The following ANO3 variants were observed in gnomAD, a reference collection of about 807,000 sequenced individuals.
ANO3 encodes anoctamin 3, also known as anoctamin-3.
A neutral mutation model predicts 144.8 loss-of-function variants in ANO3; 99 were observed. The observed-to-expected ratio is 0.68, with a 90% CI of 0.58 to 0.81. The LOEUF (loss-of-function observed/expected upper bound fraction) is 0.81, where lower values mean the gene tolerates loss of function less well. ANO3 is among the 30% of genes least tolerant of loss of function. The pLI is 0.00. For missense variants in ANO3, 905 were observed against 1,202.2 expected (o/e 0.75, Z 3.66); for synonymous variants, 414 against 392.6 (o/e 1.05, Z -0.64).
intron 18 of ANO3, among the ~76,000 whole-genome samples, chr11:26,628,117 G>T (rs77935672): frequency 1.1e-3 from 168 of 151,932 alleles, no homozygotes; most frequent in African/African-American, 4.0e-3. Flanking sequence ...TTTGAACTTT[G>T]GTTTCCTGGT....
At chr11:26,450,508 C>T (rs1465419150) in intron 3 of ANO3, among the ~76,000 whole-genome samples, 1 of 152,122 alleles carries the variant, frequency 6.6e-6, no homozygotes, top group Non-Finnish European at 1.5e-5. Flanking sequence ...CATGTATGGA[C>T]CATTCATGAA....
chr11:26,209,415 C>G (rs1327029835), intron 1 of ANO3, among the ~76,000 whole-genome samples: 1 of 152,120 alleles, frequency 6.6e-6, no homozygotes, highest in Non-Finnish European at 1.5e-5. Context: ...TGGGTTGGTT[C>G]CAAGTCTTTG....
At chr11:26,494,629 G>A (rs11029582) in intron 4 of ANO3, among the ~76,000 whole-genome samples, 25,172 of 152,098 alleles carry the variant, frequency 0.17, 2,256 homozygotes, top group South Asian at 0.29. Context: ...GTTTGCTATA[G>A]GAATTTCAAA....
Position 26,391,963 on chromosome 11 carries a change from C to A in ANO3, c.47-49955C>A, listed in dbSNP as rs775318078. 7.1e-4 allele frequency among the ~76,000 whole-genome samples: 87 copies of A among 123,038 alleles called. 1 individual carries two copies. The highest frequency in any genetic ancestry group is 2.0e-4 in the Non-Finnish European group (12 of 59,640). 80.7% of individuals were successfully genotyped at this position (123,038 alleles called of 152,430 possible). A position where few individuals can be genotyped will look rare whatever the true frequency, so the allele number is the denominator to read the frequency against. On this transcript the variant is annotated intron_variant, in intron 1 of 26. Coordinates refer to ENST00000256737, the MANE Select transcript of ANO3 (RefSeq NM_031418.4). ...TCTCAGTCATAAGTCAGACATCTTT[C>A]TGCTGTGTCCAAAAAATGTCGGAAA... is the stretch of plus-strand genomic sequence containing the variant.
At chr11:26,580,007 G>A (rs1451535269) in intron 14 of ANO3, among the ~76,000 whole-genome samples, 1 of 151,700 alleles carries the variant, frequency 6.6e-6, no homozygotes, top group Non-Finnish European at 1.5e-5. Flanking sequence ...AATTTTGGAA[G>A]CCCCTTTTAA....
At chr11:26,293,530 C>CATAAATAT (rs375743472) in intron 1 of ANO3, among the ~76,000 whole-genome samples, 1 of 62,434 alleles carries the variant, frequency 1.6e-5, no homozygotes, top group African/African-American at 6.3e-5. Flanking sequence ...CTATAAATTC[C>CATAAATAT]ATGTATATAT....
chr11:26,580,743 A>G (rs1238883470), intron 14 of ANO3, among the ~76,000 whole-genome samples: 1 of 152,244 alleles, frequency 6.6e-6, no homozygotes, highest in Non-Finnish European at 1.5e-5. Flanking sequence ...CAATTAAGCT[A>G]TGAGCATGGA....
intron 17 of ANO3, among the ~76,000 whole-genome samples, chr11:26,602,760 A>AC (rs397796296): frequency 6.7e-6 from 1 of 150,368 alleles, no homozygotes; most frequent in African/African-American, 2.4e-5. Flanking sequence ...CAAAAAAAAA[A>AC]GACATTACTG....
intron 23 of ANO3, among the ~76,000 whole-genome samples, chr11:26,645,717 G>A (rs149095640): frequency 3.3e-5 from 5 of 152,150 alleles, no homozygotes; most frequent in African/African-American, 9.6e-5. Flanking sequence ...GGGGCAGAGG[G>A]AGGGAGAGCA....
intron 14 of ANO3, among the ~76,000 whole-genome samples, chr11:26,577,719 C>T (rs905270600): frequency 1.3e-5 from 2 of 152,146 alleles, no homozygotes; most frequent in East Asian, 1.9e-4. Context: ...GAGTACAAAT[C>T]GATAGTAGAT....
chr11:26,580,994 C>T (rs143272749), intron 14 of ANO3, among the ~76,000 whole-genome samples: 245 of 152,232 alleles, frequency 1.6e-3, no homozygotes, highest in African/African-American at 5.6e-3. Context: ...CTTACGTAAA[C>T]GTTTTATCTG....
At chr11:26,612,042 T>TA (rs544691253) in intron 17 of ANO3, among the ~76,000 whole-genome samples, 7 of 152,262 alleles carry the variant, frequency 4.6e-5, no homozygotes, top group African/African-American at 1.7e-4. Context: ...GTTGGATATA[T>TA]TTTTTAATCC....
At chr11:26,294,617 A>T (rs1854044137) in intron 1 of ANO3, among the ~76,000 whole-genome samples, 1 of 152,110 alleles carries the variant, frequency 6.6e-6, no homozygotes, top group South Asian at 2.1e-4. Context: ...CATGCAACAA[A>T]ATTGACAGAA....
At position 26,241,673 on chromosome 11, in the gene ANO3, C is replaced by T. The variant is rs1006963549; in HGVS notation, c.154+52343C>T. Among the ~76,000 whole-genome samples the T allele has an allele frequency of 2.6e-5, 4 of 152,082 alleles. No homozygotes were observed. The East Asian group carries it at 7.7e-4, about 29-fold the overall frequency. On this transcript the variant is annotated intron_variant, in intron 1 of 27. Transcript: ENST00000672621. The stretch of plus-strand genomic sequence containing the variant: ...GATAGTATTGGCAGAACATTTATTA[C>T]ATTAATAAAATCTAATATAATAATT...
chr11:26,599,792 G>C, intron 17 of ANO3, 78 bp downstream of exon 17: 1 of 1,345,412 alleles, frequency 7.4e-7, no homozygotes, highest in Non-Finnish European at 1.0e-6. Flanking sequence ...CTTTATATTT[G>C]AAATGTATTT....
intron 1 of ANO3, among the ~76,000 whole-genome samples, chr11:26,403,903 T>A (rs1857211713): frequency 1.3e-5 from 2 of 151,900 alleles, no homozygotes; most frequent in Non-Finnish European, 2.9e-5. Context: ...GATATTTGTG[T>A]GCTTTGCTTC....
At position 26,281,138 on chromosome 11, in the gene ANO3, T is replaced by C. The variant is rs575558987; in HGVS notation, c.155-28507T>C. Among the ~76,000 whole-genome samples the C allele has an allele frequency of 9.8e-5, 15 of 152,346 alleles. No homozygotes were observed. The South Asian group carries it at 2.9e-3, about 29-fold the overall frequency. The stretch of plus-strand genomic sequence containing the variant: ...CCCTGTGAAATAATTAACATTAATA[T>C]CTTTACTTTGCAGATGAAGAAATAA... On this transcript the variant is annotated intron_variant, in intron 1 of 27. Coordinates refer to the ANO3 transcript ENST00000672621.
intron 24 of ANO3, among the ~76,000 whole-genome samples, chr11:26,655,567 A>G (rs759358570): frequency 6.6e-6 from 1 of 152,108 alleles, no homozygotes; most frequent in Non-Finnish European, 1.5e-5. Context: ...TATACAATCT[A>G]CTTATTAATT....
chr11:26,644,370 G>T (rs1853271612), intron 23 of ANO3, among the ~76,000 whole-genome samples: 1 of 152,012 alleles, frequency 6.6e-6, no homozygotes, highest in Non-Finnish European at 1.5e-5. Flanking sequence ...TACTACTTTA[G>T]CCAGAGATGT....
Sources: gnomAD v4.1 joint callset for allele counts (sites outside exome capture counted in the v4.1 genomes callset) on GRCh38, gnomAD v4.1.1 for gene constraint, MANE v1.5 for transcripts, NCBI Gene and HGNC (gene_info 2026-07-23, HGNC 2026-07-21) for gene names.